RFC3: variants seen among roughly 807,000 people sequenced by gnomAD.
RFC3 encodes replication factor C subunit 3, also known as A1 38 kDa subunit.
RFC3 carries 41 observed loss-of-function variants against 45.1 expected under a neutral mutation model. That is an observed-to-expected ratio of 0.91 (90% CI 0.71 to 1.18). The LOEUF is 1.18. RFC3 is among the 50% of genes most tolerant of loss of function. The pLI, the probability that RFC3 is intolerant of heterozygous loss-of-function variation, is 0.00. For missense variants in RFC3, 423 were observed against 428.1 expected (o/e 0.99, Z 0.10); for synonymous variants, 149 against 144.0 (o/e 1.03, Z -0.25).
At chr13:33,845,343 A>G (rs991679516) in intron 8 of RFC3, among the ~76,000 whole-genome samples, 52 of 151,014 alleles carry the variant, frequency 3.4e-4, no homozygotes, top group Non-Finnish European at 1.3e-4. Flanking sequence ...CTCTGTTACT[A>G]TCCATTTGAA....
chr13:33,896,772 T>G (rs1048687604), intron 8 of RFC3, among the ~76,000 whole-genome samples: 4 of 145,156 alleles, frequency 2.8e-5, no homozygotes, highest in Admixed American at 2.1e-4. Flanking sequence ...GGCTCTATCC[T>G]CTTTTTGTCT....
intron 8 of RFC3, among the ~76,000 whole-genome samples, chr13:33,870,208 G>A (rs555117663): frequency 6.6e-6 from 1 of 152,332 alleles, no homozygotes; most frequent in South Asian, 2.1e-4. Context: ...CTGGTGAAGG[G>A]CAAAGCATTG....
At chr13:33,884,053 C>CATAAATGA (rs1314183749) in intron 8 of RFC3, among the ~76,000 whole-genome samples, 1 of 152,204 alleles carries the variant, frequency 6.6e-6, no homozygotes, top group African/African-American at 2.4e-5. Flanking sequence ...GAAAGCTCAA[C>CATAAATGA]TGTGTATCCT....
chr13:33,903,870 A>G (rs766852378), intron 8 of RFC3, among the ~76,000 whole-genome samples: 1 of 152,038 alleles, frequency 6.6e-6, no homozygotes, highest in African/African-American at 2.4e-5. Context: ...GAAACTCAGT[A>G]TCTCATTTTG....
chr13:33,886,768 A>G lies in RFC3; in HGVS notation c.879+51551A>G, dbSNP rs2082527379. 1.4e-5 allele frequency among the ~76,000 whole-genome samples: 2 copies of G among 138,500 alleles called. 1 individual carries two copies. 90.9% of individuals were successfully genotyped at this position (138,500 alleles called of 152,430 possible). A position where few individuals can be genotyped will look rare whatever the true frequency, so the allele number is the denominator to read the frequency against. ...CATTTAGCATTAGGTATATCTCCTA[A>G]AGCTATCCCTCCCCCCTCCCCCCAC... On this transcript the variant is annotated intron_variant, in intron 8 of 8. Coordinates refer to the RFC3 transcript ENST00000434425.
At chr13:33,835,319 C>G in intron 8 of RFC3, 102 bp downstream of exon 8, 1 of 781,814 alleles carries the variant, frequency 1.3e-6, no homozygotes, top group Non-Finnish European at 2.3e-6. Flanking sequence ...ACCTCTTTCT[C>G]TCCAGCGCAT....
chr13:33,964,355 G>C (rs1354656232), intron 8 of RFC3, among the ~76,000 whole-genome samples: 4 of 152,134 alleles, frequency 2.6e-5, no homozygotes, highest in Non-Finnish European at 5.9e-5. Context: ...CACAACAGTG[G>C]TTCTTCTGTG....
chr13:33,884,514 C>T (rs2082507182), intron 8 of RFC3, among the ~76,000 whole-genome samples: 1 of 152,206 alleles, frequency 6.6e-6, no homozygotes, highest in South Asian at 2.1e-4. Context: ...TCTGAATTGT[C>T]TCTGACCGTC....
chr13:33,964,325 A>G (rs1023874225), intron 8 of RFC3, among the ~76,000 whole-genome samples: 7 of 152,242 alleles, frequency 4.6e-5, no homozygotes, highest in African/African-American at 1.7e-4. Context: ...ATCATAAGCT[A>G]TAATGAAAAG....
At chr13:33,966,105 A>G (rs2083086369) in exon 9 of RFC3, 1 of 1,611,194 alleles carries the variant, frequency 6.2e-7, no homozygotes, top group Non-Finnish European at 8.5e-7. Flanking sequence ...GGAGGAATCA[A>G]GAAGCTGTGA....
intron 8 of RFC3, among the ~76,000 whole-genome samples, chr13:33,854,874 A>G (rs2082298870): frequency 6.6e-6 from 1 of 152,228 alleles, no homozygotes; most frequent in Non-Finnish European, 1.5e-5. Context: ...TTAAAAAAGA[A>G]GGAAGAACCA....
rs746986072 is a variant in RFC3 at position 33,829,943 on chromosome 13, T to G, written c.499T>G (p.Ser167Ala). 1 of 1,614,062 alleles carries G rather than the reference T, an allele frequency of 6.2e-7. No homozygotes were observed. Among genetic ancestry groups the G allele is most frequent in the South Asian group, 1.1e-5 (1 of 91,088 alleles). The change falls in exon 5 of 9, where the codon TCT (serine) becomes GCT (alanine). Residue 167 changes from serine (S) to alanine (A), a missense_variant. Physicochemically the swap from Ser to Ala is moderately conservative, Grantham distance 99. Coordinates refer to ENST00000380071, the MANE Select transcript of RFC3 (RefSeq NM_002915.4). ...STCRLILCCN[S>A]TSKVIPPIRS... is the part of the protein sequence containing the mutation. ...CTGCAGATTGATCTTGTGCTGCAAT[T>G]CTACATCTAAAGTGATCCCACCTAT...
At chr13:33,933,892 G>A (rs2082869262) in intron 8 of RFC3, among the ~76,000 whole-genome samples, 1 of 151,902 alleles carries the variant, frequency 6.6e-6, no homozygotes, top group African/African-American at 2.4e-5. Context: ...GTAATTTAAT[G>A]TGAGAGTAAC....
chr13:33,862,117 T>C (rs182049900), intron 8 of RFC3, among the ~76,000 whole-genome samples: 10 of 152,340 alleles, frequency 6.6e-5, no homozygotes, highest in Middle Eastern at 6.8e-3. Context: ...GTTTGTCCTT[T>C]CAATTAATCA....
At chr13:33,946,884 G>T (rs958583111) in intron 8 of RFC3, among the ~76,000 whole-genome samples, 1 of 152,174 alleles carries the variant, frequency 6.6e-6, no homozygotes, top group Non-Finnish European at 1.5e-5. Flanking sequence ...TTTGTACGCA[G>T]CTATAATAAA....
the RFC3 span, among the ~76,000 whole-genome samples, chr13:33,974,909 A>T: frequency 2.0e-5 from 3 of 152,224 alleles, no homozygotes; most frequent in African/African-American, 7.2e-5. Context: ...AACTGATGGC[A>T]ATGATGTGGA....
chr13:33,862,477 T>C (rs1219735125), intron 8 of RFC3, among the ~76,000 whole-genome samples: 1 of 152,224 alleles, frequency 6.6e-6, no homozygotes, highest in Non-Finnish European at 1.5e-5. Flanking sequence ...ATTAGACTTA[T>C]TCATCTATTT....
chr13:33,934,471 G>A (rs1352790912), intron 8 of RFC3, among the ~76,000 whole-genome samples: 1 of 152,156 alleles, frequency 6.6e-6, no homozygotes, highest in Non-Finnish European at 1.5e-5. Context: ...TCCAAGCTCT[G>A]AGATGACTGT....
chr13:33,874,614 C>T (rs945499828), intron 8 of RFC3, among the ~76,000 whole-genome samples: 8 of 152,296 alleles, frequency 5.3e-5, no homozygotes, highest in African/African-American at 9.6e-5. Flanking sequence ...CCACCATGCC[C>T]GGCCACTAGC....
Sources: allele counts gnomAD v4.1 joint callset (sites outside exome capture counted in the v4.1 genomes callset), GRCh38; gene constraint gnomAD v4.1.1; transcripts MANE v1.5; gene names NCBI Gene and HGNC (gene_info 2026-07-23, HGNC 2026-07-21).